Variants in ANK3 observed in about 807,000 individuals in gnomAD.
The protein encoded by ANK3 is ankyrin-3.
Under a neutral mutation model 370.9 loss-of-function variants are expected in ANK3, and 57 were observed. The observed-to-expected ratio is 0.15, with a 90% CI of 0.12 to 0.19. The LOEUF (loss-of-function observed/expected upper bound fraction) is 0.19. Among genes scored for constraint, ANK3 ranks in the 10% least tolerant of loss-of-function variants. The probability of loss-of-function intolerance (pLI) is 1.00; values close to 1 mark genes in which losing one functional copy is unlikely to be tolerated. For synonymous variants in ANK3, 1,929 were observed against 1,946.3 expected (o/e 0.99, Z 0.23); for missense variants, 4,439 against 5,302.1 (o/e 0.84, Z 5.06).
chr10:60,156,898 C>T (rs920908605), intron 23 of ANK3, among the ~76,000 whole-genome samples: 1 of 152,154 alleles, frequency 6.6e-6, no homozygotes, highest in Non-Finnish European at 1.5e-5. Flanking sequence ...CAAATGTCTA[C>T]AAGCATCAAG....
intron 1 of ANK3, among the ~76,000 whole-genome samples, chr10:60,348,636 G>A (rs1382210413): frequency 6.6e-6 from 1 of 152,188 alleles, no homozygotes; most frequent in Non-Finnish European, 1.5e-5. Context: ...GTCTGGCATA[G>A]AGTAAAGCCC....
Position 60,078,576 on chromosome 10 carries a change from G to A in ANK3, c.4432+1961C>T, listed in dbSNP as rs149102680. On this transcript the variant is annotated intron_variant, in intron 36 of 43. Coordinates refer to ENST00000280772, the MANE Select transcript of ANK3 (RefSeq NM_020987.5). ...AACCACGTCTATGGTTTTATACTTC[G>A]CAAGGAACAACCAACCTACCAATCA... 2.0e-3 allele frequency among the ~76,000 whole-genome samples: 300 copies of A among 152,190 alleles called. 2 individuals are homozygous for A. The highest frequency in any genetic ancestry group is 3.5e-4 in the Non-Finnish European group (24 of 68,002).
intron 2 of ANK3, among the ~76,000 whole-genome samples, chr10:60,523,911 G>A (rs1314193038): frequency 1.3e-5 from 2 of 151,910 alleles, no homozygotes; most frequent in Non-Finnish European, 2.9e-5. Context: ...AATGATACCG[G>A]GTAAAAACAA....
intron 25 of ANK3, among the ~76,000 whole-genome samples, chr10:60,118,405 G>C (rs1454987584): frequency 6.6e-6 from 1 of 152,162 alleles, no homozygotes; most frequent in East Asian, 1.9e-4. Flanking sequence ...CATTTAATGA[G>C]CGAGGACACA....
chr10:60,371,650 G>C (rs769668129), intron 1 of ANK3, among the ~76,000 whole-genome samples: 1 of 152,094 alleles, frequency 6.6e-6, no homozygotes, highest in African/African-American at 2.4e-5. Flanking sequence ...CTCCAGTCAA[G>C]ATAATTCTAC....
intron 40 of ANK3, 114 bp from the exon 41 acceptor site, chr10:60,059,544 A>C (rs2079919921): frequency 8.0e-7 from 1 of 1,252,652 alleles, no homozygotes; most frequent in Non-Finnish European, 1.2e-6. Context: ...AATGTCCTCA[A>C]ATAGAGATTT....
intron 1 of ANK3, among the ~76,000 whole-genome samples, chr10:60,637,253 C>G (rs1222614427): frequency 6.6e-6 from 1 of 152,170 alleles, no homozygotes; most frequent in Non-Finnish European, 1.5e-5. Context: ...TTATCACATT[C>G]TGGTGATTGG....
At chr10:60,153,506 C>T (rs757068632) in intron 23 of ANK3, among the ~76,000 whole-genome samples, 1 of 151,962 alleles carries the variant, frequency 6.6e-6, no homozygotes, top group Admixed American at 6.6e-5. Context: ...TTGCCTTGGG[C>T]GATGGAGCCA....
chr10:60,104,357 CAAAAAAAAAAAAAAAAAAAAAAAAA>C lies in ANK3; in HGVS notation c.3328+1523_3328+1547del, dbSNP rs747064489. Among the ~76,000 whole-genome samples, 397 of 53,770 alleles carry C rather than the reference CAAAAAAAAAAAAAAAAAAAAAAAAA, an allele frequency of 7.4e-3. 4 individuals are homozygous for C. The highest frequency in any genetic ancestry group is 0.01 in the Non-Finnish European group (305 of 29,444). 35.3% of individuals were successfully genotyped at this position (53,770 alleles called of 152,430 possible). Reference sequence around the variant, plus strand: ...TGGGTGACAGAGTGAGACTCCATCTCAAAAAAAAAAAAAAAAAAAAAAAAAAAAAAAAAAAGAAACAAAGAAAGAA... The same window carrying C: ...TGGGTGACAGAGTGAGACTCCATCTCAAAAAAAAAAGAAACAAAGAAAGAA... On this transcript the variant is annotated intron_variant, in intron 28 of 43. Coordinates refer to ENST00000280772, the MANE Select transcript of ANK3 (RefSeq NM_020987.5).
At chr10:60,332,605 G>A (rs1285025767) in intron 1 of ANK3, among the ~76,000 whole-genome samples, 1 of 152,218 alleles carries the variant, frequency 6.6e-6, no homozygotes, top group Non-Finnish European at 1.5e-5. Flanking sequence ...AGTGACAACT[G>A]TCAGTATTGC....
intron 8 of ANK3, among the ~76,000 whole-genome samples, chr10:60,220,578 T>C (rs559322202): frequency 6.6e-6 from 1 of 152,362 alleles, no homozygotes; most frequent in Admixed American, 6.5e-5. Context: ...TCCTTTGTAT[T>C]GATAATAACT....
intron 2 of ANK3, among the ~76,000 whole-genome samples, chr10:60,412,127 G>A (rs2063572113): frequency 6.6e-6 from 1 of 152,188 alleles, no homozygotes; most frequent in Admixed American, 6.5e-5. Context: ...CCAGCCACCA[G>A]GTAGACAAAC....
At chr10:60,150,462 C>G (rs1172837858) in intron 23 of ANK3, among the ~76,000 whole-genome samples, 1 of 152,122 alleles carries the variant, frequency 6.6e-6, no homozygotes, top group Non-Finnish European at 1.5e-5. Context: ...TTTCTTGTCA[C>G]TTAATCTGTT....
intron 36 of ANK3, 86 bp downstream of exon 36, chr10:60,080,451 C>A: frequency 8.4e-7 from 1 of 1,187,096 alleles, no homozygotes. Flanking sequence ...CATTGAGTTT[C>A]CAAATGATAA....
Position 60,073,495 on chromosome 10 carries a change from C to G in ANK3, c.7386G>C (p.Arg2462Ser). 6.2e-7 allele frequency: 1 copy of G among 1,614,028 alleles called. No homozygotes were observed. Among genetic ancestry groups the G allele is most frequent in the African/African-American group, 1.3e-5 (1 of 75,000 alleles). ...ELSELRGESYRFAEKMLLSEK... is the reference protein window; with the variant it reads ...ELSELRGESYSFAEKMLLSEK... ...CTGACAGAAGCATTTTCTCAGCAAACCTGTAAGACTCCCCTCTTAGTTCTG... is the reference window on the plus strand; with the variant it reads ...CTGACAGAAGCATTTTCTCAGCAAAGCTGTAAGACTCCCCTCTTAGTTCTG... Residue 2462 changes from arginine to serine, a missense_variant, in exon 37 of 44, where the codon AGG (arginine) becomes AGC (serine). Physicochemically the swap from Arg to Ser is moderately radical, Grantham distance 110 (BLOSUM62 -1). Coordinates refer to ENST00000280772, the MANE Select transcript of ANK3 (RefSeq NM_020987.5).
intron 1 of ANK3, among the ~76,000 whole-genome samples, chr10:60,702,952 G>A (rs1013763109): frequency 8.6e-5 from 13 of 151,904 alleles, no homozygotes; most frequent in Admixed American, 3.3e-4. Flanking sequence ...GGAAACACAG[G>A]GAATAAAAGA....
At chr10:60,345,642 T>C (rs188303699) in intron 1 of ANK3, among the ~76,000 whole-genome samples, 1 of 152,276 alleles carries the variant, frequency 6.6e-6, no homozygotes. Context: ...ATACTAAAGC[T>C]CCAGTTCATT....
intron 1 of ANK3, among the ~76,000 whole-genome samples, chr10:60,704,001 G>A (rs567872989): frequency 5.6e-4 from 86 of 152,250 alleles, no homozygotes; most frequent in Non-Finnish European, 9.7e-4. Flanking sequence ...AAGAAGCCCC[G>A]CAACTTCCAC....
intron 8 of ANK3, among the ~76,000 whole-genome samples, chr10:60,234,147 C>T (rs2097293243): frequency 6.6e-6 from 1 of 152,190 alleles, no homozygotes; most frequent in Admixed American, 6.5e-5. Flanking sequence ...TGTCCATGAA[C>T]ATTTGGGCTG....
Sources: gnomAD v4.1 joint callset for allele counts (sites outside exome capture counted in the v4.1 genomes callset) on GRCh38, gnomAD v4.1.1 for gene constraint, MANE v1.5 for transcripts, NCBI Gene and HGNC (gene_info 2026-07-23, HGNC 2026-07-21) for gene names.